Variants in NRXN1 observed in about 807,000 individuals in gnomAD.
The protein encoded by NRXN1 is neurexin-1.
NRXN1 carries 39 observed loss-of-function variants against 150.9 expected under a neutral mutation model. That is an observed-to-expected ratio of 0.26 (90% CI 0.20 to 0.34). The LOEUF is 0.34. NRXN1 is among the 10% of genes least tolerant of loss of function. The pLI, the probability that NRXN1 is intolerant of heterozygous loss-of-function variation, is 1.00. For synonymous variants in NRXN1, 924 were observed against 757.0 expected, an observed-to-expected ratio of 1.22 and a Z score of -3.62; for missense variants, 1,815 against 1,949.9, an observed-to-expected ratio of 0.93 and a Z score of 1.30.
At chr2:50,795,098 C>A (rs1706615757) in intron 5 of NRXN1, among the ~76,000 whole-genome samples, 1 of 152,092 alleles carries the variant, frequency 6.6e-6, no homozygotes, top group African/African-American at 2.4e-5. Context: ...AGTAGGAGAT[C>A]ATGGAGCTAA....
At chr2:50,426,791 A>T (rs988735660) in intron 17 of NRXN1, among the ~76,000 whole-genome samples, 1 of 152,162 alleles carries the variant, frequency 6.6e-6, no homozygotes, top group Non-Finnish European at 1.5e-5. Flanking sequence ...GGTATAATAC[A>T]TTTCAAATGA....
At chr2:50,486,438 T>G (rs1319671120) in intron 15 of NRXN1, among the ~76,000 whole-genome samples, 4 of 152,220 alleles carry the variant, frequency 2.6e-5, no homozygotes, top group Admixed American at 1.3e-4. Flanking sequence ...AATGTCATTT[T>G]GGATATCATT....
At chr2:50,602,572 T>C (rs1676451382) in intron 8 of NRXN1, among the ~76,000 whole-genome samples, 1 of 152,168 alleles carries the variant, frequency 6.6e-6, no homozygotes, top group Non-Finnish European at 1.5e-5. Context: ...AAGATGATTA[T>C]CAAAAGGAAG....
At chr2:50,767,374 C>A (rs890098525) in intron 5 of NRXN1, among the ~76,000 whole-genome samples, 6 of 151,962 alleles carry the variant, frequency 3.9e-5, no homozygotes, top group Non-Finnish European at 7.4e-5. Context: ...AATTTGACTA[C>A]AATTGAATTC....
chr2:50,123,180 T>C (rs1047245554), intron 18 of NRXN1, among the ~76,000 whole-genome samples: 33 of 152,058 alleles, frequency 2.2e-4, no homozygotes, highest in Non-Finnish European at 7.4e-5. Flanking sequence ...AATTCTACAA[T>C]GGAGGAACAG....
chr2:50,929,573 G>A (rs753131059), intron 2 of NRXN1, among the ~76,000 whole-genome samples: 2 of 151,934 alleles, frequency 1.3e-5, no homozygotes, highest in African/African-American at 2.4e-5. Flanking sequence ...CCACTACTGC[G>A]AGTAGCTTCT....
chr2:50,267,183 G>T (rs1202345382), intron 17 of NRXN1, among the ~76,000 whole-genome samples: 1 of 152,156 alleles, frequency 6.6e-6, no homozygotes, highest in Non-Finnish European at 1.5e-5. Context: ...AAGGTACAAG[G>T]AAAAGCAGCT....
intron 3 of NRXN1, among the ~76,000 whole-genome samples, chr2:50,925,320 T>C (rs1686700027): frequency 6.6e-6 from 1 of 151,880 alleles, no homozygotes; most frequent in South Asian, 2.1e-4. Context: ...ACAGAGATAA[T>C]TTTTTATAAA....
chr2:50,176,832 C>G (rs943864213), intron 18 of NRXN1, among the ~76,000 whole-genome samples: 1 of 152,174 alleles, frequency 6.6e-6, no homozygotes, highest in East Asian at 1.9e-4. Context: ...AACATTAAGG[C>G]TCTGTTTCCT....
chr2:50,681,986 T>C (rs1031218407), intron 5 of NRXN1, among the ~76,000 whole-genome samples: 1 of 152,122 alleles, frequency 6.6e-6, no homozygotes, highest in Non-Finnish European at 1.5e-5. Flanking sequence ...AATCCACCTA[T>C]CAAGGATTCT....
At chr2:50,203,895 CT>C (rs1392288143) in intron 18 of NRXN1, among the ~76,000 whole-genome samples, 1 of 151,890 alleles carries the variant, frequency 6.6e-6, no homozygotes. Flanking sequence ...GTGAGTTTTC[CT>C]GGGGAAAAAC....
At chr2:50,163,652 T>C (rs1457064939) in intron 18 of NRXN1, among the ~76,000 whole-genome samples, 3 of 152,172 alleles carry the variant, frequency 2.0e-5, no homozygotes. Context: ...TAAAGTTCTC[T>C]TGCCTGATCA....
intron 21 of NRXN1, among the ~76,000 whole-genome samples, chr2:50,039,026 A>C (rs7580574): frequency 0.41 from 62,732 of 151,588 alleles, 13,655 homozygotes; most frequent in Middle Eastern, 0.51. Context: ...AAAAATACAA[A>C]AATTAGCCAG....
At chr2:50,489,498 G>C (rs1345430417) in intron 15 of NRXN1, among the ~76,000 whole-genome samples, 1 of 139,822 alleles carries the variant, frequency 7.2e-6, no homozygotes, top group Non-Finnish European at 1.5e-5. Context: ...TCTATCTTCT[G>C]AGCTATGGTA....
At chr2:49,994,093 C>T (rs555346043) in intron 21 of NRXN1, among the ~76,000 whole-genome samples, 83 of 152,228 alleles carry the variant, frequency 5.5e-4, no homozygotes, top group Admixed American at 4.6e-3. Context: ...TCCTCTGTTT[C>T]CCTTCACAAG....
chr2:50,753,155 A>T (rs1421319452), intron 5 of NRXN1, among the ~76,000 whole-genome samples: 2 of 152,008 alleles, frequency 1.3e-5, no homozygotes, highest in African/African-American at 4.8e-5. Flanking sequence ...ACTTTGTGAA[A>T]TATATGTAAC....
chr2:50,403,254 A>G (rs1443125202), intron 17 of NRXN1, among the ~76,000 whole-genome samples: 1 of 152,122 alleles, frequency 6.6e-6, no homozygotes, highest in Non-Finnish European at 1.5e-5. Context: ...GGTAAAGGAG[A>G]TTAAGGTGCT....
intron 21 of NRXN1, among the ~76,000 whole-genome samples, chr2:49,971,000 C>G (rs545526753): frequency 5.3e-5 from 8 of 152,186 alleles, no homozygotes; most frequent in Middle Eastern, 6.8e-3. Context: ...TGGTAGTGCT[C>G]ATAATACTAG....
At chr2:50,862,929 A>G (rs958325275) in intron 5 of NRXN1, among the ~76,000 whole-genome samples, 1 of 152,074 alleles carries the variant, frequency 6.6e-6, no homozygotes, top group Non-Finnish European at 1.5e-5. Context: ...TTATCTGCCT[A>G]CGTGAAAAGA....
Sources: allele counts gnomAD v4.1 joint callset (sites outside exome capture counted in the v4.1 genomes callset), GRCh38; gene constraint gnomAD v4.1.1; transcripts MANE v1.5; gene names NCBI Gene and HGNC (gene_info 2026-07-23, HGNC 2026-07-21).